Variants in FLT3 observed in about 807,000 individuals in gnomAD.
FLT3 encodes fms related receptor tyrosine kinase 3.
Under a neutral mutation model 126.6 loss-of-function variants are expected in FLT3, and 46 were observed. The ratio of observed to expected loss-of-function variants is 0.36; its 90% CI spans 0.29 to 0.46. The LOEUF (loss-of-function observed/expected upper bound fraction) is 0.46, where lower values mean the gene tolerates loss of function less well. Among genes scored for constraint, FLT3 ranks in the 20% least tolerant of loss-of-function variants. FLT3 has a pLI of 1.00. For synonymous variants in FLT3, 404 were observed against 434.4 expected (o/e 0.93, Z 0.87); for missense variants, 1,069 against 1,190.3 (o/e 0.90, Z 1.50).
intron 1 of FLT3, among the ~76,000 whole-genome samples, chr13:28,092,904 T>C (rs1315108805): frequency 4.3e-5 from 6 of 138,310 alleles, no homozygotes; most frequent in African/African-American, 1.6e-4. Context: ...CTGAAATCCA[T>C]CCAGAGACTA....
chr13:28,084,973 T>TAA (rs59333724), intron 1 of FLT3, among the ~76,000 whole-genome samples: 3,993 of 133,214 alleles, frequency 0.03, 193 homozygotes, highest in African/African-American at 0.1. Context: ...AGCCTTCCTC[T>TAA]AAAAAAAAAA....
In FLT3 at chr13:28,035,532, A is replaced by G. The variant is rs1873752971; in HGVS notation, c.1560T>C (p.Leu520=). The G allele has an allele frequency of 1.9e-6, 3 of 1,614,160 alleles. No homozygotes were observed. Among genetic ancestry groups the G allele is most frequent in the Admixed American group, 1.7e-5 (1 of 60,012 alleles). The change falls in exon 12 of 24, where the codon CTT becomes CTC. Residue 520 remains leucine, a synonymous_variant. Coordinates refer to ENST00000241453, the MANE Select transcript of FLT3 (RefSeq NM_004119.3). ...AAAGGATCGTCTCACAAGATGTGCC[A>G]AGGGAATTGTATGCACAGCACTTGA... The part of the protein sequence containing the change: ...FLVKCCAYNS[L]GTSCETILLN...
At position 28,081,844 on chromosome 13, in the gene FLT3, C is replaced by CTTTTTTTTTTTTTTTTTTTTT. The variant is rs35243277; in HGVS notation, c.44-11253_44-11233dup. Among the ~76,000 whole-genome samples the CTTTTTTTTTTTTTTTTTTTTT allele has an allele frequency of 6.6e-4, 43 of 64,990 alleles. 5 individuals are homozygous for CTTTTTTTTTTTTTTTTTTTTT. The highest frequency in any genetic ancestry group is 2.2e-3 in the East Asian group (3 of 1,344). The allele number at this position is 64,990 out of a possible 152,430, so 42.6% of individuals were successfully genotyped here. ...TTACTTTGATTTTTTTACTTTGATT[C>CTTTTTTTTTTTTTTTTTTTTT]TTTTTTTTTTTTTTTTTTTTTTTTT... On this transcript the variant is annotated intron_variant, in intron 1 of 23. Transcript: ENST00000241453.
chr13:28,047,245 G>C (rs1372943092), intron 9 of FLT3, among the ~76,000 whole-genome samples: 1 of 152,154 alleles, frequency 6.6e-6, no homozygotes, highest in East Asian at 1.9e-4. Context: ...ATTTATTCTA[G>C]TCCATTGACT....
At chr13:28,034,687 G>T (rs1873671737) in intron 12 of FLT3, among the ~76,000 whole-genome samples, 1 of 152,142 alleles carries the variant, frequency 6.6e-6, no homozygotes, top group African/African-American at 2.4e-5. Context: ...AGGCACGATG[G>T]CTCACGCCTG....
intron 1 of FLT3, among the ~76,000 whole-genome samples, chr13:28,091,048 A>G (rs544084966): frequency 6.6e-4 from 100 of 152,030 alleles, no homozygotes; most frequent in Non-Finnish European, 1.2e-3. Context: ...TATTTTACAC[A>G]TCATGAAACA....
At chr13:28,008,464 A>G (rs924230976) in intron 23 of FLT3, among the ~76,000 whole-genome samples, 10 of 151,872 alleles carry the variant, frequency 6.6e-5, no homozygotes, top group Admixed American at 3.9e-4. Context: ...CTTAAGAGGC[A>G]TGATTTTTAT....
At chr13:28,085,004 C>T (rs1046437965) in intron 1 of FLT3, among the ~76,000 whole-genome samples, 11 of 146,202 alleles carry the variant, frequency 7.5e-5, no homozygotes, top group Non-Finnish European at 1.0e-4. Flanking sequence ...TTCACTGACA[C>T]TTGTTTTATG....
chr13:28,099,451 A>G (rs1879678921), intron 1 of FLT3, among the ~76,000 whole-genome samples: 1 of 152,250 alleles, frequency 6.6e-6, no homozygotes, highest in African/African-American at 2.4e-5. Context: ...GCTATTGGAT[A>G]TAATTCCTGC....
In FLT3 at chr13:28,048,439, CT is replaced by C; in HGVS notation, c.1040del (p.Lys347ArgfsTer4). On this transcript the variant is annotated frameshift_variant, in exon 9 of 24. Transcript: ENST00000241453. LOFTEE classifies it high-confidence loss of function. Reference protein sequence around the residue: ...SQSALVTIVEKGFINATNSSE... With the variant: ...SQSALVTIVEXGFINATNSSE... ...TTGAATTGGTAGCATTTATAAATCC[CT>C]TTTCTGTAAGAAAAAATAGGCATTT... 2 of 1,589,762 alleles carry C rather than the reference CT, an allele frequency of 1.3e-6. No individual in the cohort carries two copies. Among genetic ancestry groups the C allele is most frequent in the African/African-American group, 1.3e-5 (1 of 74,268 alleles).
chr13:28,013,480 C>G lies in FLT3; in HGVS notation c.2859+972G>C, dbSNP rs1019202441. Among the ~76,000 whole-genome samples, 46 of 152,162 alleles carry G rather than the reference C, an allele frequency of 3.0e-4. 1 individual carries two copies. Among genetic ancestry groups the G allele is most frequent in the Non-Finnish European group, 7.3e-5 (5 of 68,038 alleles). ...GTGACTTATCAAGTAAACGATGGAGCCAAGATCTGAACCTCAGTATTAGGA... is the reference window on the plus strand; with the variant it reads ...GTGACTTATCAAGTAAACGATGGAGGCAAGATCTGAACCTCAGTATTAGGA... On this transcript the variant is annotated intron_variant, in intron 23 of 23. Transcript: ENST00000241453.
At chr13:28,021,648 A>G (rs1872396556) in intron 19 of FLT3, among the ~76,000 whole-genome samples, 1 of 152,266 alleles carries the variant, frequency 6.6e-6, no homozygotes, top group Non-Finnish European at 1.5e-5. Context: ...TGCTATAGTC[A>G]TAGCTCATTG....
rs2137674412 is a variant in FLT3, at chr13:28,034,081, C to T, written c.1837+1G>A. 6.2e-7 allele frequency: 1 copy of T among 1,613,632 alleles called. No homozygotes were observed. Among genetic ancestry groups the T allele is most frequent in the Non-Finnish European group, 8.5e-7 (1 of 1,179,910 alleles). Reference sequence around the variant, plus strand: ...AAACATTTGGCACATTCCATTCTTACCAAACTCTAAATTTTCTCTTGGAAA... The same window carrying T: ...AAACATTTGGCACATTCCATTCTTATCAAACTCTAAATTTTCTCTTGGAAA... On this transcript the variant is annotated splice_donor_variant, in intron 14 of 23. Transcript: ENST00000241453. LOFTEE classifies it high-confidence loss of function.
chr13:28,072,378 ACTCTCTCTCG>A (rs1877596570), intron 1 of FLT3, among the ~76,000 whole-genome samples: 1 of 150,976 alleles, frequency 6.6e-6, no homozygotes, highest in African/African-American at 2.4e-5. Flanking sequence ...TTTAAGATCT[ACTCTCTCTCG>A]CTCTCTCTCT....
intron 1 of FLT3, among the ~76,000 whole-genome samples, chr13:28,079,410 G>A (rs1878176066): frequency 6.6e-6 from 1 of 152,088 alleles, no homozygotes; most frequent in Admixed American, 6.6e-5. Context: ...CTTCTTCTGA[G>A]CCCTCCAAAC....
chr13:28,004,116 C>T lies in FLT3; in HGVS notation c.2918G>A (p.Arg973Gln), dbSNP rs144397269. Reference protein sequence around the residue: ...SECPHTYQNRRPFSREMDLGL... With the variant: ...SECPHTYQNRQPFSREMDLGL... ...CAAATCCATCTCTCTGCTGAAAGGT[C>T]GCCTGTTTTGGTAGGTGTGAGGACA... Residue 973 changes from arginine (R) to glutamine (Q), a missense_variant, in exon 24 of 24, where the codon CGA becomes CAA. By Grantham distance (43) the Arg-to-Gln change is conservative. Coordinates refer to ENST00000241453, the MANE Select transcript of FLT3 (RefSeq NM_004119.3). 566 of 1,614,006 alleles carry T rather than the reference C, an allele frequency of 3.5e-4. 5 individuals are homozygous for T. The African/African-American group carries it at 6.9e-3, about 20-fold the overall frequency.
intron 15 of FLT3, among the ~76,000 whole-genome samples, chr13:28,028,790 C>T (rs979462834): frequency 3.7e-4 from 52 of 141,100 alleles, no homozygotes; most frequent in Middle Eastern, 3.7e-3. Context: ...TTCTTTCTTT[C>T]TTTTTTTTTG....
At position 28,026,920 on chromosome 13, in the gene FLT3, G is replaced by A. The variant is rs76862245; in HGVS notation, c.2207+168C>T. Among the ~76,000 whole-genome samples the A allele has an allele frequency of 6.0e-3, 916 of 152,286 alleles. 9 individuals carry two copies. The highest frequency in any genetic ancestry group is 0.02 in the African/African-American group (842 of 41,560). Reference sequence around the variant, plus strand: ...GTACTGAAGGAAAGGGACAGGACTCGTTCCATGTCAACAGGGAAACTATAG... The same window carrying A: ...GTACTGAAGGAAAGGGACAGGACTCATTCCATGTCAACAGGGAAACTATAG... On this transcript the variant is annotated intron_variant, in intron 17 of 23. Coordinates refer to ENST00000241453, the MANE Select transcript of FLT3 (RefSeq NM_004119.3).
chr13:28,011,799 C>A, intron 23 of FLT3, among the ~76,000 whole-genome samples: 1 of 71,990 alleles, frequency 1.4e-5, no homozygotes, highest in East Asian at 3.6e-4. Context: ...TTCTCTTTTT[C>A]TTTCTTTTTC....
Sources: gnomAD v4.1 joint callset for allele counts (sites outside exome capture counted in the v4.1 genomes callset) on GRCh38, gnomAD v4.1.1 for gene constraint, MANE v1.5 for transcripts, NCBI Gene and HGNC (gene_info 2026-07-23, HGNC 2026-07-21) for gene names.